The following SUSD6 variants were observed in gnomAD, a reference collection of about 807,000 sequenced individuals.
The protein encoded by SUSD6 is sushi domain containing 6.
In SUSD6, 16 loss-of-function variants were observed where a neutral mutation model predicts 28.4. That is an observed-to-expected ratio of 0.56 (90% CI 0.38 to 0.86). The LOEUF (loss-of-function observed/expected upper bound fraction) is 0.86. Ranked by LOEUF, SUSD6 falls within the 40% of genes least tolerant of loss-of-function variation. SUSD6 has a pLI of 0.00. For synonymous variants in SUSD6, 147 were observed against 159.6 expected, an observed-to-expected ratio of 0.92 and a Z score of 0.59; for missense variants, 341 against 384.2, an observed-to-expected ratio of 0.89 and a Z score of 0.94.
Position 69,713,758 on chromosome 14 carries a change from T to C in SUSD6, c.*2779T>C, listed in dbSNP as rs1299926482. The C allele has an allele frequency of 2.0e-5, 3 of 152,098 alleles. No homozygotes were observed. Among genetic ancestry groups the C allele is most frequent in the Admixed American group, 1.3e-4 (2 of 15,262 alleles). 9.4% of individuals were successfully genotyped at this position (152,098 alleles called of 1,614,324 possible). A position where few individuals can be genotyped will look rare whatever the true frequency, so the allele number is the denominator to read the frequency against. On this transcript the variant is annotated 3_prime_UTR_variant, in exon 6 of 6. Coordinates refer to ENST00000342745, the MANE Select transcript of SUSD6 (RefSeq NM_014734.4). ...CCTCTAGGGCATTCCAGCAAGAGGC[T>C]GATGCAGGAGAATGGCCAGCACCAA...
chr14:69,704,379 G>A (rs1380610993), intron 3 of SUSD6, among the ~76,000 whole-genome samples: 3 of 152,234 alleles, frequency 2.0e-5, no homozygotes, highest in Admixed American at 6.5e-5. Flanking sequence ...AAGATTGGAA[G>A]TGAGGGGAAT....
chr14:69,635,445 C>A (rs550458725), intron 1 of SUSD6, among the ~76,000 whole-genome samples: 1 of 152,270 alleles, frequency 6.6e-6, no homozygotes, highest in African/African-American at 2.4e-5. Flanking sequence ...TTTTAAAAAG[C>A]AGGGAGAGAA....
intron 2 of SUSD6, among the ~76,000 whole-genome samples, chr14:69,698,471 A>G: frequency 6.6e-6 from 1 of 152,172 alleles, no homozygotes; most frequent in East Asian, 1.9e-4. Context: ...AAGGAGCTCA[A>G]GTATTTGTTC....
chr14:69,659,288 G>T (rs1247762898), intron 2 of SUSD6, among the ~76,000 whole-genome samples: 1 of 152,138 alleles, frequency 6.6e-6, no homozygotes, highest in Non-Finnish European at 1.5e-5. Flanking sequence ...AATAAGACCC[G>T]GTCACTGACA....
intron 5 of SUSD6, among the ~76,000 whole-genome samples, 179 bp from the exon 6 acceptor site, chr14:69,710,775 T>C (rs1419891819): frequency 6.6e-6 from 1 of 152,044 alleles, no homozygotes; most frequent in Non-Finnish European, 1.5e-5. Flanking sequence ...AAAGATAAGC[T>C]AGAAAGTCAT....
chr14:69,703,443 C>A lies in SUSD6; in HGVS notation c.170C>A (p.Pro57His). Residue 57 changes from proline to histidine, a missense_variant, in exon 3 of 6, where the codon CCC becomes CAC. Physicochemically the swap from Pro to His is moderately conservative, Grantham distance 77. Coordinates refer to ENST00000342745, the MANE Select transcript of SUSD6 (RefSeq NM_014734.4). ...GAGAATGGTGGCTACATCTGCCACC[C>A]CCGGCCCTGCAGAGACCCCCTGACA... Reference protein sequence around the residue: ...EPENGGYICHPRPCRDPLTAG... With the variant: ...EPENGGYICHHRPCRDPLTAG... 6.2e-7 allele frequency: 1 copy of A among 1,614,124 alleles called. No individual in the cohort carries two copies. Among genetic ancestry groups the A allele is most frequent in the Non-Finnish European group, 8.5e-7 (1 of 1,180,012 alleles).
intron 2 of SUSD6, among the ~76,000 whole-genome samples, chr14:69,693,143 C>G (rs61710255): frequency 0.01 from 1,549 of 152,324 alleles, 27 homozygotes; most frequent in African/African-American, 0.035. Flanking sequence ...GCTGTGGGCT[C>G]TGCTCTATAG....
chr14:69,639,029 A>T (rs1000869779), intron 1 of SUSD6, among the ~76,000 whole-genome samples: 4 of 152,158 alleles, frequency 2.6e-5, no homozygotes, highest in Non-Finnish European at 5.9e-5. Flanking sequence ...GGATCATTAG[A>T]AGTAGATAAG....
rs1371861285 is a variant in SUSD6, at chr14:69,714,993, T to G, written c.*4014T>G. ...TCAATCAGTTTGGGTTTGCTTTATT[T>G]TATTTTATATATATATTTTTTGGTA... On this transcript the variant is annotated 3_prime_UTR_variant, in exon 6 of 6. Coordinates refer to ENST00000342745, the MANE Select transcript of SUSD6 (RefSeq NM_014734.4). 6.6e-6 allele frequency: 1 copy of G among 152,336 alleles called. No individual in the cohort carries two copies. Among genetic ancestry groups the G allele is most frequent in the East Asian group, 1.9e-4 (1 of 5,192 alleles). The allele number at this position is 152,336 out of a possible 1,614,324, so 9.4% of individuals were successfully genotyped here.
At chr14:69,625,178 T>C (rs1049512275) in intron 1 of SUSD6, among the ~76,000 whole-genome samples, 9 of 152,236 alleles carry the variant, frequency 5.9e-5, no homozygotes, top group African/African-American at 2.2e-4. Context: ...CCAGCTTCTT[T>C]AACTGAAATT....
At chr14:69,673,566 G>C (rs1212336684) in intron 2 of SUSD6, among the ~76,000 whole-genome samples, 1 of 152,144 alleles carries the variant, frequency 6.6e-6, no homozygotes, top group African/African-American at 2.4e-5. Flanking sequence ...TAATAAAACT[G>C]AGAAGAGGTT....
chr14:69,614,286 C>T (rs1451689304), intron 1 of SUSD6, among the ~76,000 whole-genome samples: 5 of 152,140 alleles, frequency 3.3e-5, no homozygotes, highest in African/African-American at 1.2e-4. Context: ...AGGCTGGTCT[C>T]GAACGCCTGA....
intron 2 of SUSD6, among the ~76,000 whole-genome samples, chr14:69,690,248 T>TA (rs1445077665): frequency 6.6e-6 from 1 of 152,228 alleles, no homozygotes; most frequent in Non-Finnish European, 1.5e-5. Flanking sequence ...GTTGAGACTC[T>TA]ACTCCTGACT....
chr14:69,704,870 G>A lies in SUSD6; in HGVS notation c.458+128G>A, dbSNP rs973737876. The A allele has an allele frequency of 3.1e-6, 3 of 960,748 alleles. No homozygotes were observed. The African/African-American group carries it at 4.9e-5, about 16-fold the overall frequency. 59.5% of individuals were successfully genotyped at this position (960,748 alleles called of 1,614,324 possible). A position where few individuals can be genotyped will look rare whatever the true frequency, so the allele number is the denominator to read the frequency against. On this transcript the variant is annotated intron_variant, in intron 4 of 5. Transcript: ENST00000342745. ...CTGTGTGTGTCCAGGGAGTGGGGAG[G>A]GCCCTGCCATGTGTCAAACTCCTAG...
At chr14:69,684,327 C>A (rs1441513883) in intron 2 of SUSD6, among the ~76,000 whole-genome samples, 1 of 152,166 alleles carries the variant, frequency 6.6e-6, no homozygotes. Context: ...AATAAGAAAT[C>A]TGATATGTAA....
chr14:69,626,915 C>T (rs981039422), intron 1 of SUSD6, among the ~76,000 whole-genome samples: 10 of 151,542 alleles, frequency 6.6e-5, no homozygotes, highest in East Asian at 1.9e-4. Context: ...GAAGCCCTGG[C>T]CTCAAGTGAT....
At chr14:69,657,658 A>C (rs1199413895) in intron 1 of SUSD6, among the ~76,000 whole-genome samples, 1 of 152,182 alleles carries the variant, frequency 6.6e-6, no homozygotes, top group South Asian at 2.1e-4. Context: ...TGGCAAATGA[A>C]ATTAAATAAG....
intron 1 of SUSD6, among the ~76,000 whole-genome samples, chr14:69,657,664 A>G (rs1885602988): frequency 6.6e-6 from 1 of 152,234 alleles, no homozygotes; most frequent in Admixed American, 6.5e-5. Flanking sequence ...ATGAAATTAA[A>G]TAAGTTAACT....
At chr14:69,710,143 G>C (rs1886442571) in intron 5 of SUSD6, among the ~76,000 whole-genome samples, 2 of 152,224 alleles carry the variant, frequency 1.3e-5, no homozygotes, top group Admixed American at 6.5e-5. Context: ...CAGTCAGCCA[G>C]CCACACATAT....
Sources: gnomAD v4.1 joint callset for allele counts (sites outside exome capture counted in the v4.1 genomes callset) on GRCh38, gnomAD v4.1.1 for gene constraint, MANE v1.5 for transcripts, NCBI Gene and HGNC (gene_info 2026-07-23, HGNC 2026-07-21) for gene names.